SLC41A3: variants seen among roughly 807,000 people sequenced by gnomAD.
SLC41A3 encodes solute carrier family 41 member 3, also known as SLC41A1-like 2.
A neutral mutation model predicts 45.4 loss-of-function variants in SLC41A3; 44 were observed. That is an observed-to-expected ratio of 0.97 (90% confidence interval 0.76 to 1.25). SLC41A3 has a LOEUF of 1.25. SLC41A3 is among the 50% of genes most tolerant of loss of function. The pLI is 0.00. For missense variants in SLC41A3, 550 were observed against 600.6 expected, an observed-to-expected ratio of 0.92 and a Z score of 0.88; for synonymous variants, 256 against 252.4, an observed-to-expected ratio of 1.01 and a Z score of -0.13.
At chr3:126,086,418 T>G (rs7432294), upstream of SLC41A3, among the ~76,000 whole-genome samples, 13,652 of 49,028 alleles carry the variant, frequency 0.28, 1,767 homozygotes, top group African/African-American at 0.47. Flanking sequence ...GTTTTTTTTT[T>G]TTTTTTTTTT....
chr3:126,024,391 C>T (rs1261488533), intron 5 of SLC41A3: 1 of 152,284 alleles, frequency 6.6e-6, no homozygotes, highest in African/African-American at 2.4e-5. Flanking sequence ...GAAAGTCTGG[C>T]ACATTCATCC....
chr3:126,096,816 C>T (rs1945612272), intron 1 of SLC41A3, among the ~76,000 whole-genome samples: 1 of 152,206 alleles, frequency 6.6e-6, no homozygotes, highest in Non-Finnish European at 1.5e-5. Flanking sequence ...CTTCACACCT[C>T]TGTATTTCTG....
chr3:126,038,758 T>C (rs1942379310), intron 3 of SLC41A3, among the ~76,000 whole-genome samples: 1 of 152,190 alleles, frequency 6.6e-6, no homozygotes, highest in South Asian at 2.1e-4. Flanking sequence ...GATTGTATTT[T>C]GTAATGGGAG....
chr3:126,062,983 G>A (rs988435327), intron 2 of SLC41A3, among the ~76,000 whole-genome samples: 2 of 152,146 alleles, frequency 1.3e-5, no homozygotes, highest in African/African-American at 4.8e-5. Context: ...GCTGATGGCC[G>A]TAAGTTGTCT....
chr3:126,097,574 A>C (rs375783094), intron 1 of SLC41A3, among the ~76,000 whole-genome samples: 7 of 152,286 alleles, frequency 4.6e-5, no homozygotes, highest in Middle Eastern at 3.4e-3. Flanking sequence ...TAATCATGAA[A>C]TATTTAGATA....
At chr3:126,090,071 A>G (rs1458596660) in intron 1 of SLC41A3, among the ~76,000 whole-genome samples, 2 of 108,260 alleles carry the variant, frequency 1.8e-5, no homozygotes, top group Non-Finnish European at 3.8e-5. Flanking sequence ...TGAGTGAAGT[A>G]TGTTTTTTAA....
chr3:126,095,509 A>C (rs1945581692), intron 1 of SLC41A3, among the ~76,000 whole-genome samples: 1 of 152,252 alleles, frequency 6.6e-6, no homozygotes, highest in South Asian at 2.1e-4. Flanking sequence ...AAGGGCTGAC[A>C]CAGAGAACAA....
Position 126,022,829 on chromosome 3 carries a change from CAG to C in SLC41A3, c.700_701del (p.Leu234ValfsTer7). ...AGCTGCTAACCAAAGCCAGAATGGA[CAG>C]TGTGATGAGGTCTCCCAGGCTGGCT... ...IAASLGDLIT[L>X]SILALVSSFF... On this transcript the variant is annotated frameshift_variant, in exon 6 of 11. Coordinates refer to ENST00000360370, the MANE Select transcript of SLC41A3 (RefSeq NM_017836.4). LOFTEE classifies it high-confidence loss of function. 11 of 1,614,202 alleles carry C rather than the reference CAG, an allele frequency of 6.8e-6. No homozygotes were observed. The highest frequency in any genetic ancestry group is 9.3e-6 in the Non-Finnish European group (11 of 1,180,046).
chr3:126,064,189 G>A (rs1022316649), intron 2 of SLC41A3, among the ~76,000 whole-genome samples: 6 of 152,046 alleles, frequency 3.9e-5, no homozygotes, highest in African/African-American at 2.4e-5. Context: ...TCAACACCTG[G>A]AGAAAGCAAG....
At position 126,046,938 on chromosome 3, in the gene SLC41A3, G is replaced by C. The variant is rs566967030; in HGVS notation, c.381+4005C>G. 2.1e-3 allele frequency among the ~76,000 whole-genome samples: 319 copies of C among 149,524 alleles called. 2 individuals are homozygous for C. The highest frequency in any genetic ancestry group is 3.3e-3 in the Non-Finnish European group (222 of 67,516). Reference sequence around the variant, plus strand: ...GATGGCACAACTGCACTCCAGCCTGGGCAATGGAGCGAAACTCCATCTCAA... The same window carrying C: ...GATGGCACAACTGCACTCCAGCCTGCGCAATGGAGCGAAACTCCATCTCAA... On this transcript the variant is annotated intron_variant, in intron 3 of 10. Coordinates refer to ENST00000360370, the MANE Select transcript of SLC41A3 (RefSeq NM_017836.4).
chr3:126,023,018 G>A (rs961052172), intron 5 of SLC41A3, 86 bp from the exon 6 acceptor site: 28 of 1,550,982 alleles, frequency 1.8e-5, no homozygotes, highest in East Asian at 6.8e-5. Flanking sequence ...AGGGATGGGC[G>A]GCACTGAGTA....
At chr3:126,061,479 A>G (rs984296820) in intron 2 of SLC41A3, among the ~76,000 whole-genome samples, 2 of 152,102 alleles carry the variant, frequency 1.3e-5, no homozygotes, top group African/African-American at 2.4e-5. Context: ...CACAGCCCTC[A>G]TTGCTATCAA....
intron 3 of SLC41A3, 182 bp downstream of exon 3, chr3:126,050,761 G>A: frequency 8.9e-7 from 1 of 1,129,428 alleles, no homozygotes; most frequent in Non-Finnish European, 1.2e-6. Context: ...CAGTTTGGTA[G>A]TGGAAAGCCA....
chr3:126,048,649 T>C (rs966164642), intron 3 of SLC41A3, among the ~76,000 whole-genome samples: 2 of 152,240 alleles, frequency 1.3e-5, no homozygotes, highest in Non-Finnish European at 2.9e-5. Flanking sequence ...AATATTCTTC[T>C]GTTTCAAGTT....
chr3:126,027,263 C>G (rs1314064034), intron 4 of SLC41A3, among the ~76,000 whole-genome samples: 3 of 130,324 alleles, frequency 2.3e-5, no homozygotes, highest in African/African-American at 8.5e-5. Flanking sequence ...CCCCACCCCC[C>G]ACCCTGTCCC....
chr3:126,019,601 C>T (rs1435873217), intron 6 of SLC41A3, among the ~76,000 whole-genome samples: 1 of 152,166 alleles, frequency 6.6e-6, no homozygotes, highest in Non-Finnish European at 1.5e-5. Flanking sequence ...AGGCATAAGG[C>T]AGACATTCCC....
intron 1 of SLC41A3, among the ~76,000 whole-genome samples, chr3:126,083,045 G>A (rs1456193622): frequency 3.3e-5 from 5 of 152,208 alleles, no homozygotes; most frequent in Non-Finnish European, 7.3e-5. Context: ...CTGTGAAATG[G>A]GGTAATACTA....
chr3:126,059,864 T>G (rs766257655), intron 2 of SLC41A3, among the ~76,000 whole-genome samples: 8 of 152,116 alleles, frequency 5.3e-5, no homozygotes, highest in Non-Finnish European at 1.0e-4. Context: ...GGATGCACAT[T>G]CCCAAGGCAT....
At position 126,009,106 on chromosome 3, in the gene SLC41A3, A is replaced by C. The variant is rs930155891; in HGVS notation, c.1106-226T>G. On this transcript the variant is annotated intron_variant, in intron 9 of 10. Transcript: ENST00000360370. ...AGAAACAAGAATCAAGTAAGCAGAA[A>C]TAAAAAGAAGCAAGAAAGGCTATTT... Among the ~76,000 whole-genome samples, 4 of 152,356 alleles carry C rather than the reference A, an allele frequency of 2.6e-5. No individual in the cohort carries two copies. The South Asian group carries it at 8.3e-4, about 32-fold the overall frequency.
Sources: allele counts gnomAD v4.1 joint callset (sites outside exome capture counted in the v4.1 genomes callset), GRCh38; gene constraint gnomAD v4.1.1; transcripts MANE v1.5; gene names NCBI Gene and HGNC (gene_info 2026-07-23, HGNC 2026-07-21).